ROS1: variants seen among roughly 807,000 people sequenced by gnomAD.
ROS1 encodes the protein proto-oncogene tyrosine-protein kinase ROS.
ROS1 carries 263 observed loss-of-function variants against 273.5 expected under a neutral mutation model. The observed-to-expected ratio is 0.96, with a 90% confidence interval of 0.87 to 1.06. The LOEUF is 1.06. ROS1 is among the 50% of genes least tolerant of loss of function. The probability of loss-of-function intolerance (pLI) is 0.00; values close to 1 mark genes in which losing one functional copy is unlikely to be tolerated. For synonymous variants in ROS1, 1,008 were observed against 954.1 expected, an observed-to-expected ratio of 1.06 and a Z score of -1.04; for missense variants, 2,833 against 2,751.1, an observed-to-expected ratio of 1.03 and a Z score of -0.67.
rs550632533 is a variant in ROS1, at chr6:117,408,280, TA to T, written c.316+1301del. On this transcript the variant is annotated intron_variant, in intron 5 of 43. Coordinates refer to ENST00000368507, the MANE Select transcript of ROS1 (RefSeq NM_001378902.1). ...CTACCATCAGACTGAACAGGCAACC[TA>T]CAGAATGGGAGAAAATTTTTGCAAT... 3.1e-3 allele frequency among the ~76,000 whole-genome samples: 466 copies of T among 152,034 alleles called. 7 individuals are homozygous for T. Among genetic ancestry groups the T allele is most frequent in the African/African-American group, 0.011 (452 of 41,446 alleles).
At chr6:117,420,820 GTATTAGTAGTAT>G (rs1454023728) in intron 1 of ROS1, among the ~76,000 whole-genome samples, 4 of 151,890 alleles carry the variant, frequency 2.6e-5, no homozygotes, top group Non-Finnish European at 5.9e-5. Flanking sequence ...ACTTAGAAAT[GTATTAGTAGTAT>G]TATGTCCCAA....
chr6:117,331,369 G>A (rs941352960), intron 32 of ROS1, among the ~76,000 whole-genome samples: 5 of 152,184 alleles, frequency 3.3e-5, no homozygotes, highest in Admixed American at 6.5e-5. Context: ...TGATAGCTTG[G>A]AGTACCAGGA....
chr6:117,293,779 G>A (rs966562124), intron 43 of ROS1, among the ~76,000 whole-genome samples: 1 of 152,146 alleles, frequency 6.6e-6, no homozygotes, highest in Admixed American at 6.5e-5. Flanking sequence ...AATTAATAAA[G>A]TCTATAAAAT....
intron 37 of ROS1, 130 bp from the exon 38 acceptor site, chr6:117,318,382 C>T: frequency 1.5e-6 from 1 of 684,000 alleles, no homozygotes; most frequent in South Asian, 1.7e-5. Context: ...GTAGATAAAA[C>T]ATGTGCATGT....
chr6:117,321,713 G>A (rs190147701), intron 35 of ROS1, among the ~76,000 whole-genome samples: 14 of 151,706 alleles, frequency 9.2e-5, no homozygotes, highest in African/African-American at 2.9e-4. Flanking sequence ...ACCCATAAAC[G>A]AGTCAAAATA....
intron 34 of ROS1, among the ~76,000 whole-genome samples, chr6:117,324,946 T>C (rs1291794543): frequency 6.6e-6 from 1 of 151,970 alleles, no homozygotes; most frequent in Non-Finnish European, 1.5e-5. Context: ...TAGCTATGAA[T>C]AAGTTTTACC....
At chr6:117,332,380 C>T (rs1023621536) in intron 32 of ROS1, among the ~76,000 whole-genome samples, 25 of 152,132 alleles carry the variant, frequency 1.6e-4, no homozygotes, top group African/African-American at 5.6e-4. Flanking sequence ...ACTTAGACTG[C>T]CACGCAATAG....
rs183633669 is a variant in ROS1, at chr6:117,403,300, A to G, written c.466-23T>C. 7.5e-5 allele frequency: 121 copies of G among 1,605,790 alleles called. No homozygotes were observed. The African/African-American group carries it at 1.5e-3, about 20-fold the overall frequency. On this transcript the variant is annotated intron_variant, in intron 6 of 43. Transcript: ENST00000368507. ...AGTCTAGATCAAGGAGTGATCAATCATCAGCATTATAGAATCAGCACCCCA... is the reference window on the plus strand; with the variant it reads ...AGTCTAGATCAAGGAGTGATCAATCGTCAGCATTATAGAATCAGCACCCCA...
chr6:117,372,953 CAG>C (rs1582774359), intron 18 of ROS1, among the ~76,000 whole-genome samples: 5 of 152,306 alleles, frequency 3.3e-5, no homozygotes, highest in Admixed American at 1.3e-4. Context: ...GTCCATTTTA[CAG>C]AGAGCTGATT....
chr6:117,320,310 T>G (rs188617126), intron 36 of ROS1, among the ~76,000 whole-genome samples: 1 of 152,176 alleles, frequency 6.6e-6, no homozygotes, highest in Non-Finnish European at 1.5e-5. Context: ...ACACTTTTAT[T>G]GTAGCTTGTT....
intron 26 of ROS1, among the ~76,000 whole-genome samples, chr6:117,355,598 T>C (rs1006584163): frequency 2.6e-5 from 4 of 152,020 alleles, no homozygotes; most frequent in African/African-American, 7.2e-5. Flanking sequence ...TTAAAATGTT[T>C]AATTTTATTT....
chr6:117,419,166 G>C (rs1318835295), intron 1 of ROS1, among the ~76,000 whole-genome samples: 1 of 152,168 alleles, frequency 6.6e-6, no homozygotes, highest in Non-Finnish European at 1.5e-5. Flanking sequence ...CTATCACTGA[G>C]CTCACTGAGC....
intron 11 of ROS1, among the ~76,000 whole-genome samples, 165 bp from the exon 12 acceptor site, chr6:117,393,486 C>T (rs1295222406): frequency 6.6e-6 from 1 of 152,132 alleles, no homozygotes; most frequent in Non-Finnish European, 1.5e-5. Context: ...AGTTTTATAT[C>T]CTATATCCTA....
At chr6:117,319,681 A>G (rs527949874) in intron 37 of ROS1, among the ~76,000 whole-genome samples, 187 bp downstream of exon 37, 35 of 152,312 alleles carry the variant, frequency 2.3e-4, no homozygotes, top group African/African-American at 8.4e-4. Context: ...ATTGTTGATT[A>G]CAAACAATGT....
chr6:117,341,887 T>C (rs1777961103), intron 29 of ROS1, among the ~76,000 whole-genome samples: 1 of 152,172 alleles, frequency 6.6e-6, no homozygotes, highest in Non-Finnish European at 1.5e-5. Flanking sequence ...TAACCCAATT[T>C]GGGTGAGTTT....
intron 18 of ROS1, among the ~76,000 whole-genome samples, chr6:117,374,589 C>A (rs1781161715): frequency 6.6e-6 from 1 of 152,094 alleles, no homozygotes; most frequent in African/African-American, 2.4e-5. Flanking sequence ...GACAAAGAAC[C>A]CAAAATCAAA....
At chr6:117,357,739 A>G in intron 25 of ROS1, 65 bp downstream of exon 25, 1 of 1,105,500 alleles carries the variant, frequency 9.0e-7, no homozygotes, top group South Asian at 1.5e-5. Context: ...TAAACCAAAG[A>G]CATTACATTA....
intron 27 of ROS1, 104 bp from the exon 28 acceptor site, chr6:117,344,366 A>G: frequency 1.4e-6 from 1 of 740,228 alleles, no homozygotes; most frequent in East Asian, 2.7e-5. Flanking sequence ...AGAAATTTGT[A>G]GAGCATACAT....
At chr6:117,333,642 G>A (rs543058100) in intron 32 of ROS1, among the ~76,000 whole-genome samples, 9 of 152,220 alleles carry the variant, frequency 5.9e-5, no homozygotes, top group African/African-American at 1.2e-4. Context: ...TATCCACCAC[G>A]AACAAGTCGG....
Sources: allele counts gnomAD v4.1 joint callset (sites outside exome capture counted in the v4.1 genomes callset), GRCh38; gene constraint gnomAD v4.1.1; transcripts MANE v1.5; gene names NCBI Gene and HGNC (gene_info 2026-07-23, HGNC 2026-07-21).